Variants in POLI observed in about 807,000 individuals in gnomAD.
POLI encodes DNA polymerase iota, also known as RAD30 homolog B.
A neutral mutation model predicts 51.6 loss-of-function variants in POLI; 58 were observed. That is an observed-to-expected ratio of 1.12 (90% CI 0.91 to 1.40). The LOEUF is 1.40. POLI is among the 40% of genes most tolerant of loss of function. The pLI, the probability that POLI is intolerant of heterozygous loss-of-function variation, is 0.00. For missense variants in POLI, 921 were observed against 871.3 expected, an observed-to-expected ratio of 1.06 and a Z score of -0.72; for synonymous variants, 322 against 299.7, an observed-to-expected ratio of 1.07 and a Z score of -0.77.
chr18:54,280,964 A>T, intron 5 of POLI, 61 bp downstream of exon 5: 3 of 857,420 alleles, frequency 3.5e-6, no homozygotes, highest in Non-Finnish European at 3.6e-6. Flanking sequence ...TAATTTAAAA[A>T]ATTATAGATA....
At chr18:54,307,671 A>G (rs1372357680) in intron 3 of POLI, among the ~76,000 whole-genome samples, 5 of 152,158 alleles carry the variant, frequency 3.3e-5, no homozygotes, top group Non-Finnish European at 7.4e-5. Flanking sequence ...TCTGTCTAAT[A>G]TTGACAGTGG....
intron 3 of POLI, among the ~76,000 whole-genome samples, chr18:54,312,917 T>G (rs1050673828): frequency 6.6e-6 from 1 of 152,222 alleles, no homozygotes; most frequent in African/African-American, 2.4e-5. Context: ...TTTACACCTT[T>G]GATAGTTTCT....
Position 54,297,209 on chromosome 18 carries a change from A to G in POLI, c.*2742A>G, listed in dbSNP as rs2088374456. The G allele has an allele frequency of 2.0e-6, 2 of 984,840 alleles. No individual in the cohort carries two copies. The highest frequency in any genetic ancestry group is 3.5e-5 in the African/African-American group (2 of 57,146). 61.0% of individuals were successfully genotyped at this position (984,840 alleles called of 1,614,324 possible). ...TGCTGTTAGCTATCTGCCTCCAGGG[A>G]TAAACCCCATCTTTCAAGCTTGCTT... On this transcript the variant is annotated 3_prime_UTR_variant, in exon 10 of 10. Coordinates refer to ENST00000579534, the MANE Select transcript of POLI (RefSeq NM_007195.3).
At position 54,269,916 on chromosome 18, in the gene POLI, C is replaced by T. The variant is rs542278963; in HGVS notation, c.115+255C>T. 28 of 1,215,958 alleles carry T rather than the reference C, an allele frequency of 2.3e-5. 1 individual carries two copies. The South Asian group carries it at 8.4e-4, about 36-fold the overall frequency. 75.3% of individuals were successfully genotyped at this position (1,215,958 alleles called of 1,614,324 possible). A position where few individuals can be genotyped will look rare whatever the true frequency, so the allele number is the denominator to read the frequency against. On this transcript the variant is annotated intron_variant, in intron 1 of 9. Transcript: ENST00000579534. ...GAGGGTTTATCTGCGCCGTCCTTTC[C>T]TCTGTGAGGGGCGAGGTGGGGCGGG...
intron 4 of POLI, 58 bp downstream of exon 4, chr18:54,277,913 T>G: frequency 8.0e-7 from 1 of 1,252,124 alleles, no homozygotes; most frequent in Non-Finnish European, 1.1e-6. Context: ...TTTCTTAATG[T>G]TCAGTGAGTT....
chr18:54,294,303 G>C lies in POLI; in HGVS notation c.2059G>C (p.Glu687Gln), dbSNP rs1324293306. 1 of 1,613,382 alleles carries C rather than the reference G, an allele frequency of 6.2e-7. No homozygotes were observed. The highest frequency in any genetic ancestry group is 2.2e-5 in the East Asian group (1 of 44,864). Residue 687 changes from glutamate to glutamine, a missense_variant, in exon 10 of 10, where the codon GAA becomes CAA. Glu to Gln is a conservative substitution (Grantham distance 29). Transcript: ENST00000579534. Reference sequence around the variant, plus strand: ...GCAAACAGTAGCAACAGACTCTCATGAAGGACTTACAGAAAATAGAGAGCC... The same window carrying C: ...GCAAACAGTAGCAACAGACTCTCATCAAGGACTTACAGAAAATAGAGAGCC... ...HKQTVATDSH[E>Q]GLTENREPDS...
chr18:54,298,615 G>T (rs1324295432), downstream of POLI, among the ~76,000 whole-genome samples: 1 of 128,924 alleles, frequency 7.8e-6, no homozygotes, highest in African/African-American at 2.8e-5. Flanking sequence ...TTTTGAGATG[G>T]GGTCTCGCTC....
rs2088124461 is a variant in POLI, at chr18:54,293,500, A to G, written c.1405-149A>G. 36 of 559,190 alleles carry G rather than the reference A, an allele frequency of 6.4e-5. No individual in the cohort carries two copies. The East Asian group carries it at 1.1e-3, about 16-fold the overall frequency. 34.6% of individuals were successfully genotyped at this position (559,190 alleles called of 1,614,324 possible). A position where few individuals can be genotyped will look rare whatever the true frequency, so the allele number is the denominator to read the frequency against. ...ATAGTGTGAATAATTGTGGTAGTAG[A>G]TCTCTAGTTGTTTGGAACTGGCCAC... is the stretch of plus-strand genomic sequence containing the variant. On this transcript the variant is annotated intron_variant, in intron 9 of 9. Coordinates refer to ENST00000579534, the MANE Select transcript of POLI (RefSeq NM_007195.3).
chr18:54,292,421 T>G (rs2088065195), intron 9 of POLI, among the ~76,000 whole-genome samples: 1 of 152,160 alleles, frequency 6.6e-6, no homozygotes, highest in Non-Finnish European at 1.5e-5. Flanking sequence ...TTTCCCATGA[T>G]TCTTTTGTTA....
At chr18:54,306,435 G>A (rs970089813) in intron 3 of POLI, among the ~76,000 whole-genome samples, 2 of 152,122 alleles carry the variant, frequency 1.3e-5, no homozygotes, top group Non-Finnish European at 2.9e-5. Context: ...CCACTTGATC[G>A]TGGTGGATAA....
chr18:54,294,829 T>C lies in POLI; in HGVS notation c.*362T>C, dbSNP rs895643026. The C allele has an allele frequency of 1.1e-6, 1 of 919,042 alleles. No homozygotes were observed. The highest frequency in any genetic ancestry group is 1.8e-5 in the African/African-American group (1 of 54,974). The allele number at this position is 919,042 out of a possible 1,614,324, so 56.9% of individuals were successfully genotyped here. ...GTAAAGGACACATTTTTTTTTTTTT[T>C]TTCCTGTGAAATGTGGAATATCTCA... On this transcript the variant is annotated 3_prime_UTR_variant, in exon 10 of 10. Transcript: ENST00000579534.
In POLI at chr18:54,296,671, C is replaced by G. The variant is rs1240234648; in HGVS notation, c.*2204C>G. ...TCATATTTTTCATCCTCTTGTTTCT[C>G]TTTACTGCATTTTGGGTAATTTCAT... is the stretch of plus-strand genomic sequence containing the variant. On this transcript the variant is annotated 3_prime_UTR_variant, in exon 10 of 10. Transcript: ENST00000579534. 1.8e-5 allele frequency: 3 copies of G among 167,540 alleles called. No individual in the cohort carries two copies. Among genetic ancestry groups the G allele is most frequent in the Non-Finnish European group, 2.4e-5 (2 of 82,306 alleles). 10.4% of individuals were successfully genotyped at this position (167,540 alleles called of 1,614,324 possible).
At chr18:54,299,946 C>T (rs543630497), downstream of POLI, among the ~76,000 whole-genome samples, 21 of 152,006 alleles carry the variant, frequency 1.4e-4, no homozygotes, top group African/African-American at 4.8e-4. Context: ...AGTGGTCTGA[C>T]ATCCTCAAAT....
chr18:54,269,637 G>A lies in POLI; in HGVS notation c.91G>A (p.Val31Met), dbSNP rs1260907098. Residue 31 changes from valine (V) to methionine (M), a missense_variant, in exon 1 of 10, where the codon GTG (valine) becomes ATG (methionine). Coordinates refer to ENST00000579534, the MANE Select transcript of POLI (RefSeq NM_007195.3). ...AEAWAMELAD[V>M]GAAASSQGVH... ...GGCCTGGGCCATGGAACTGGCGGACGTGGGGGCGGCAGCCAGCTCGCAGGG... is the reference window on the plus strand; with the variant it reads ...GGCCTGGGCCATGGAACTGGCGGACATGGGGGCGGCAGCCAGCTCGCAGGG... 5.3e-6 allele frequency: 8 copies of A among 1,509,364 alleles called. No individual in the cohort carries two copies. The highest frequency in any genetic ancestry group is 2.8e-5 in the East Asian group (1 of 35,528). The allele number at this position is 1,509,364 out of a possible 1,614,324, so 93.5% of individuals were successfully genotyped here.
In POLI at chr18:54,296,265, C is replaced by A. The variant is rs139710819; in HGVS notation, c.*1798C>A. 2 of 985,238 alleles carry A rather than the reference C, an allele frequency of 2.0e-6. No individual in the cohort carries two copies. The highest frequency in any genetic ancestry group is 2.3e-4 in the East Asian group (2 of 8,812). The allele number at this position is 985,238 out of a possible 1,614,324, so 61.0% of individuals were successfully genotyped here. On this transcript the variant is annotated 3_prime_UTR_variant, in exon 10 of 10. Coordinates refer to ENST00000579534, the MANE Select transcript of POLI (RefSeq NM_007195.3). ...AGAAAACAAAGTAAATGGTTTTGGC[C>A]AGCTTAAAAAGAGAAAGCAAAATAG...
Position 54,297,990 on chromosome 18 carries a change from T to A in POLI, c.*3523T>A. 1.0e-6 allele frequency: 1 copy of A among 980,852 alleles called. No homozygotes were observed. Among genetic ancestry groups the A allele is most frequent in the Non-Finnish European group, 1.2e-6 (1 of 825,742 alleles). 60.8% of individuals were successfully genotyped at this position (980,852 alleles called of 1,614,324 possible). On this transcript the variant is annotated 3_prime_UTR_variant, in exon 10 of 10. Transcript: ENST00000579534. Reference sequence around the variant, plus strand: ...CATCTCTTGAGCTGTTCTAAGATAATATCTTTTACTTTGGAGATACGCAGT... The same window carrying A: ...CATCTCTTGAGCTGTTCTAAGATAAAATCTTTTACTTTGGAGATACGCAGT...
chr18:54,299,045 A>G (rs531720097), downstream of POLI, among the ~76,000 whole-genome samples: 2 of 152,332 alleles, frequency 1.3e-5, no homozygotes, highest in East Asian at 1.9e-4. Flanking sequence ...TAATACATCT[A>G]TGAAACATCA....
chr18:54,314,319 A>C (rs1233460248), intron 3 of POLI, among the ~76,000 whole-genome samples: 1 of 152,182 alleles, frequency 6.6e-6, no homozygotes, highest in Non-Finnish European at 1.5e-5. Flanking sequence ...CCAGGAAGAA[A>C]GCCTATTTGA....
intron 1 of POLI, chr18:54,269,949 C>T: frequency 3.4e-6 from 4 of 1,173,764 alleles, no homozygotes. Context: ...GGGAATCCCT[C>T]AGCCAGCCCG....
Sources: allele counts gnomAD v4.1 joint callset (sites outside exome capture counted in the v4.1 genomes callset), GRCh38; gene constraint gnomAD v4.1.1; transcripts MANE v1.5; gene names NCBI Gene and HGNC (gene_info 2026-07-23, HGNC 2026-07-21).